Variants in STIM1 observed in about 807,000 individuals in gnomAD.
STIM1 encodes stromal interaction molecule 1.
STIM1 carries 25 observed loss-of-function variants against 74.7 expected under a neutral mutation model. The observed-to-expected ratio is 0.33, with a 90% confidence interval of 0.24 to 0.47. The LOEUF is 0.47. STIM1 is among the 20% of genes least tolerant of loss of function. The pLI is 1.00. For missense variants in STIM1, 728 were observed against 920.8 expected (o/e 0.79, Z 2.71); for synonymous variants, 328 against 348.8 (o/e 0.94, Z 0.66).
At chr11:4,045,143 G>T (rs2094180400) in intron 3 of STIM1, among the ~76,000 whole-genome samples, 1 of 152,006 alleles carries the variant, frequency 6.6e-6, no homozygotes, top group Admixed American at 6.6e-5. Context: ...TAGACAAAAG[G>T]CCCTTGATGT....
At chr11:3,997,489 T>A (rs2093673355) in intron 2 of STIM1, among the ~76,000 whole-genome samples, 1 of 149,212 alleles carries the variant, frequency 6.7e-6, no homozygotes, top group Admixed American at 6.7e-5. Context: ...ACCCTGTCTC[T>A]AAAAAAAAAA....
rs1325675633 is a variant in STIM1 at position 4,018,471 on chromosome 11, A to AC, written c.271-5402_271-5401insC. On this transcript the variant is annotated intron_variant, in intron 2 of 12. Transcript: ENST00000526596. ...GAGACTCCGTCTCAAAAAAAAAAAA[A>AC]AAAAAAAAAAAAAAACAAACAAAAT... Among the ~76,000 whole-genome samples the AC allele has an allele frequency of 4.1e-5, 6 of 146,196 alleles. No individual in the cohort carries two copies. The South Asian group carries it at 8.7e-4, about 21-fold the overall frequency.
chr11:4,001,286 A>G (rs1359451138), intron 2 of STIM1, among the ~76,000 whole-genome samples: 1 of 151,704 alleles, frequency 6.6e-6, no homozygotes, highest in African/African-American at 2.4e-5. Flanking sequence ...CATAATTGTC[A>G]GATTCACCAA....
At chr11:3,964,417 C>A (rs773083401) in intron 1 of STIM1, among the ~76,000 whole-genome samples, 1 of 152,206 alleles carries the variant, frequency 6.6e-6, no homozygotes, top group Non-Finnish European at 1.5e-5. Context: ...CTTTTGTACT[C>A]CCTAACCCTC....
intron 3 of STIM1, among the ~76,000 whole-genome samples, chr11:4,053,341 T>C (rs1321412623): frequency 1.3e-5 from 2 of 152,162 alleles, no homozygotes; most frequent in Admixed American, 1.3e-4. Flanking sequence ...CAAATGTCCA[T>C]CAACGATAGA....
intron 1 of STIM1, among the ~76,000 whole-genome samples, chr11:3,869,029 C>T (rs535967398): frequency 4.6e-5 from 7 of 152,004 alleles, no homozygotes; most frequent in Admixed American, 1.3e-4. Context: ...AGTGCAGTGG[C>T]GCCATCTTGG....
At chr11:3,945,347 C>G (rs964359380) in intron 1 of STIM1, among the ~76,000 whole-genome samples, 2 of 151,724 alleles carry the variant, frequency 1.3e-5, no homozygotes, top group African/African-American at 2.4e-5. Flanking sequence ...GAGGCTGAGG[C>G]GGGTGGATCA....
At chr11:3,945,537 TGC>T in intron 1 of STIM1, among the ~76,000 whole-genome samples, 1 of 152,146 alleles carries the variant, frequency 6.6e-6, no homozygotes, top group East Asian at 1.9e-4. Flanking sequence ...AGGCGGAGGT[TGC>T]AGTGAGCCGA....
rs765145441 is a variant in STIM1, at chr11:4,083,461, C to T, written c.1437C>T (p.Asp479=). 6.2e-7 allele frequency: 1 copy of T among 1,614,208 alleles called. No homozygotes were observed. The change falls in exon 10 of 13, where the codon GAC becomes GAT. Residue 479 remains aspartate (D), a synonymous_variant. Coordinates refer to ENST00000526596, the MANE Select transcript of STIM1 (RefSeq NM_001382567.1). ...AHFIMTDDVD[D]MDEEIVSPLS... is the part of the protein sequence containing the mutation. ...TCATCATGACTGACGACGTGGATGA[C>T]ATGGATGAGGAGATTGTGTCTCCCT...
chr11:3,889,726 GT>G (rs1374901236), intron 1 of STIM1, among the ~76,000 whole-genome samples: 1 of 152,112 alleles, frequency 6.6e-6, no homozygotes, highest in African/African-American at 2.4e-5. Flanking sequence ...TCTAGGTTTG[GT>G]AGATGCCTAA....
intron 1 of STIM1, among the ~76,000 whole-genome samples, chr11:3,884,276 A>G (rs2091625333): frequency 6.6e-6 from 1 of 152,116 alleles, no homozygotes; most frequent in South Asian, 2.1e-4. Context: ...CTGCCCTGGT[A>G]TTGTGGGAGT....
intron 2 of STIM1, among the ~76,000 whole-genome samples, chr11:4,023,430 A>G (rs1037207743): frequency 4.6e-5 from 7 of 152,246 alleles, no homozygotes; most frequent in African/African-American, 1.4e-4. Flanking sequence ...CTTCAAGAGT[A>G]TCACTGTTCT....
At chr11:3,894,814 C>T (rs954251382) in intron 1 of STIM1, among the ~76,000 whole-genome samples, 19 of 152,178 alleles carry the variant, frequency 1.2e-4, no homozygotes, top group Non-Finnish European at 1.9e-4. Context: ...TCTCAGCTCA[C>T]TGCAACCTCC....
chr11:3,905,550 G>A (rs367691390), intron 1 of STIM1, among the ~76,000 whole-genome samples: 2 of 152,176 alleles, frequency 1.3e-5, no homozygotes, highest in East Asian at 1.9e-4. Flanking sequence ...AGAGCATGGG[G>A]CAGACAAGGG....
intron 2 of STIM1, among the ~76,000 whole-genome samples, chr11:4,008,336 G>A (rs7925915): frequency 0.012 from 1,861 of 152,122 alleles, 31 homozygotes; most frequent in African/African-American, 0.042. Context: ...GCATTTCTTA[G>A]AATGTATCCC....
chr11:3,856,303 C>T lies in STIM1; in HGVS notation c.33C>T (p.Leu11=), dbSNP rs1448992790. 1 of 1,614,060 alleles carries T rather than the reference C, an allele frequency of 6.2e-7. No individual in the cohort carries two copies. The highest frequency in any genetic ancestry group is 1.3e-5 in the African/African-American group (1 of 74,932). The change falls in exon 1 of 13, where the codon CTC becomes CTT. Residue 11 remains leucine, a synonymous_variant. Transcript: ENST00000526596. ...TATGCGTCCGTCTTGCCCTGTGGCT[C>T]CTCTGGGGACTCCTCCTGCACCAGG... MDVCVRLALW[L]LWGLLLHQGQ...
At chr11:3,941,279 A>G (rs988380681) in intron 1 of STIM1, among the ~76,000 whole-genome samples, 16 of 152,202 alleles carry the variant, frequency 1.1e-4, no homozygotes, top group Admixed American at 9.8e-4. Context: ...GCTGTAGGTA[A>G]TGAAGATCCA....
At chr11:4,015,620 A>G (rs1021265073) in intron 2 of STIM1, among the ~76,000 whole-genome samples, 1 of 152,166 alleles carries the variant, frequency 6.6e-6, no homozygotes, top group African/African-American at 2.4e-5. Context: ...GTTCTCCTGG[A>G]TAATATCCTG....
At chr11:3,915,400 A>ATT (rs34874358) in intron 1 of STIM1, among the ~76,000 whole-genome samples, 102 of 143,334 alleles carry the variant, frequency 7.1e-4, no homozygotes, top group South Asian at 2.0e-3. Flanking sequence ...CTAGTTTTTA[A>ATT]TTTTTTTTTT....
Sources: gnomAD v4.1 joint callset for allele counts (sites outside exome capture counted in the v4.1 genomes callset) on GRCh38, gnomAD v4.1.1 for gene constraint, MANE v1.5 for transcripts, NCBI Gene and HGNC (gene_info 2026-07-23, HGNC 2026-07-21) for gene names.